The following PCDHGA1 variants were observed in gnomAD, a reference collection of about 807,000 sequenced individuals.
PCDHGA1 encodes the protein protocadherin gamma subfamily A, 1, also known as protocadherin gamma-A1.
Under a neutral mutation model 58.0 loss-of-function variants are expected in PCDHGA1, and 32 were observed. That is an observed-to-expected ratio of 0.55 (90% CI 0.42 to 0.74). The LOEUF is 0.74. Ranked by LOEUF, PCDHGA1 falls within the 30% of genes least tolerant of loss-of-function variation. The probability of loss-of-function intolerance (pLI) is 0.00; values close to 1 mark genes in which losing one functional copy is unlikely to be tolerated. For synonymous variants in PCDHGA1, 498 were observed against 501.1 expected (o/e 0.99, Z 0.08); for missense variants, 1,205 against 1,182.3 (o/e 1.02, Z -0.28).
Position 141,490,225 on chromosome 5 carries a change from G to A in PCDHGA1, c.2422-4582G>A, listed in dbSNP as rs2099697468. On this transcript the variant is annotated intron_variant, in intron 1 of 3. Coordinates refer to ENST00000517417, the MANE Select transcript of PCDHGA1 (RefSeq NM_018912.3). This position sits in a 1 kb window ranked among gnomAD's most constrained non-coding sequence, Gnocchi z 5.4. The stretch of plus-strand genomic sequence containing the variant: ...AAGAGCCCGTGACCAGGGACAGCCT[G>A]CCATGGAGGGCCACTGTGTGATTCA... The A allele has an allele frequency of 6.2e-7, 1 of 1,614,112 alleles. No homozygotes were observed. The highest frequency in any genetic ancestry group is 1.1e-5 in the South Asian group (1 of 91,090).
At chr5:141,506,444 CAAA>C (rs1219684339) in intron 3 of PCDHGA1, among the ~76,000 whole-genome samples, 12 of 95,004 alleles carry the variant, frequency 1.3e-4, no homozygotes, top group Admixed American at 3.3e-4. Context: ...CGCTCTGTCT[CAAA>C]AAAAAAAAAA....
At chr5:141,413,023 A>T in intron 1 of PCDHGA1, 1 of 729,646 alleles carries the variant, frequency 1.4e-6, no homozygotes, top group Non-Finnish European at 2.1e-6. Context: ...CACAAGCCCC[A>T]CAAACCGGCT....
In PCDHGA1 at chr5:141,402,356, T is replaced by C. The variant is rs183915738; in HGVS notation, c.2421+69251T>C. Among the ~76,000 whole-genome samples, 46 of 152,098 alleles carry C rather than the reference T, an allele frequency of 3.0e-4. 1 individual carries two copies. Among genetic ancestry groups the C allele is most frequent in the African/African-American group, 1.0e-3 (43 of 41,550 alleles). On this transcript the variant is annotated intron_variant, in intron 1 of 3. Coordinates refer to ENST00000517417, the MANE Select transcript of PCDHGA1 (RefSeq NM_018912.3). ...TATAGGTATAAAAATTAAAAATGAA[T>C]GTACTTCCAAACAAGATTGCACATA...
At chr5:141,472,980 C>CAAAAAAAAAAAAAAAAAAAAAA (rs60579131) in intron 1 of PCDHGA1, among the ~76,000 whole-genome samples, 6 of 86,102 alleles carry the variant, frequency 7.0e-5, no homozygotes, top group African/African-American at 1.2e-4. Flanking sequence ...GAGTGAAACT[C>CAAAAAAAAAAAAAAAAAAAAAA]AAAAAAAAAA....
rs1004061582 is a variant in PCDHGA1, at chr5:141,477,406, A to C, written c.2422-17401A>C. ...AATACAACCTCAGCATCACCGCCCG[A>C]GACGCCGGAACCCCTTCCCTCTCAG... On this transcript the variant is annotated intron_variant, in intron 1 of 3. Transcript: ENST00000517417. The surrounding 1 kb of genome is among the most constrained non-coding windows in gnomAD (Gnocchi z 4.9). 6.2e-7 allele frequency: 1 copy of C among 1,614,036 alleles called. No homozygotes were observed. Among genetic ancestry groups the C allele is most frequent in the Admixed American group, 1.7e-5 (1 of 59,994 alleles).
intron 1 of PCDHGA1, among the ~76,000 whole-genome samples, chr5:141,450,832 T>TTATTA (rs764784095): frequency 5.6e-5 from 8 of 142,316 alleles, no homozygotes; most frequent in African/African-American, 2.2e-4. Context: ...TATTATTATT[T>TTATTA]TTTTTTTTTT....
chr5:141,350,552 G>C, intron 1 of PCDHGA1: 1 of 1,614,066 alleles, frequency 6.2e-7, no homozygotes, highest in Non-Finnish European at 8.5e-7. Context: ...AAGGAAACTT[G>C]AGTGTGCACT....
At position 141,372,451 on chromosome 5, in the gene PCDHGA1, C is replaced by G. The variant is rs749000608; in HGVS notation, c.2421+39346C>G. 8 of 1,614,042 alleles carry G rather than the reference C, an allele frequency of 5.0e-6. No individual in the cohort carries two copies. In the East Asian group the frequency reaches 1.6e-4, roughly 31 times the overall value. On this transcript the variant is annotated intron_variant, in intron 1 of 3. Coordinates refer to ENST00000517417, the MANE Select transcript of PCDHGA1 (RefSeq NM_018912.3). The stretch of plus-strand genomic sequence containing the variant: ...CGCCCCACTCCCTCTGACCCTCAGG[C>G]GGAGCTACAGTTTCACCTAGTAGTG...
At chr5:141,410,625 G>A (rs202058499) in intron 1 of PCDHGA1, 1 of 1,602,442 alleles carries the variant, frequency 6.2e-7, no homozygotes, top group Non-Finnish European at 8.5e-7. Flanking sequence ...ACTTCGGTGA[G>A]TTTCTCTTTT....
Position 141,487,243 on chromosome 5 carries a change from C to T in PCDHGA1, c.2422-7564C>T. 1 of 1,614,114 alleles carries T rather than the reference C, an allele frequency of 6.2e-7. No individual in the cohort carries two copies. The highest frequency in any genetic ancestry group is 8.5e-7 in the Non-Finnish European group (1 of 1,180,000). Reference sequence around the variant, plus strand: ...CAAGGGAAGGAGAATCTCGTCTAACCCTCTACTTGGCTGTGTCCCTAGTGG... The same window carrying T: ...CAAGGGAAGGAGAATCTCGTCTAACTCTCTACTTGGCTGTGTCCCTAGTGG... On this transcript the variant is annotated intron_variant, in intron 1 of 3. Coordinates refer to ENST00000517417, the MANE Select transcript of PCDHGA1 (RefSeq NM_018912.3). The surrounding 1 kb of genome is among the most constrained non-coding windows in gnomAD (Gnocchi z 5.0).
rs747994258 is a variant in PCDHGA1 at position 141,365,910 on chromosome 5, A to G, written c.2421+32805A>G. ...TCCTTCGACTATGAGCAGTTGAGAGACCTACAGTTGTGGGTGACAGCCAGC... is the reference window on the plus strand; with the variant it reads ...TCCTTCGACTATGAGCAGTTGAGAGGCCTACAGTTGTGGGTGACAGCCAGC... On this transcript the variant is annotated intron_variant, in intron 1 of 3. Transcript: ENST00000517417. The G allele has an allele frequency of 5.0e-6, 8 of 1,614,146 alleles. No homozygotes were observed. In the South Asian group the frequency reaches 8.8e-5, roughly 18 times the overall value.
chr5:141,371,128 A>G (rs1767509392), intron 1 of PCDHGA1: 1 of 1,614,008 alleles, frequency 6.2e-7, no homozygotes, highest in Non-Finnish European at 8.5e-7. Context: ...TTTACTCAGG[A>G]CATGTACAGG....
In PCDHGA1 at chr5:141,449,878, A is replaced by G. The variant is rs536474516; in HGVS notation, c.2422-44929A>G. On this transcript the variant is annotated intron_variant, in intron 1 of 3. Transcript: ENST00000517417. ...ATAAAAATCAGAAAATTTAACATCA[A>G]TGCAATATAATTATTTAGCCTATAG... 6.6e-4 allele frequency among the ~76,000 whole-genome samples: 100 copies of G among 152,050 alleles called. 1 individual carries two copies. The highest frequency in any genetic ancestry group is 2.4e-3 in the African/African-American group (99 of 41,574).
intron 1 of PCDHGA1, among the ~76,000 whole-genome samples, chr5:141,406,372 T>C (rs1010742441): frequency 1.3e-5 from 2 of 152,204 alleles, no homozygotes; most frequent in African/African-American, 4.8e-5. Flanking sequence ...AAGGGTAAAC[T>C]GATAAAAAGG....
intron 1 of PCDHGA1, chr5:141,341,320 G>A (rs1029033510): frequency 6.2e-7 from 1 of 1,614,246 alleles, no homozygotes. Flanking sequence ...TCAGCCAGGA[G>A]AGCTGTGAGA....
Position 141,489,351 on chromosome 5 carries a change from G to A in PCDHGA1, c.2422-5456G>A, listed in dbSNP as rs2099685862. ...GGCAGCTTCGTTACTCAGTGGTGGAGGAGTCTGAGCCGGGGACGCTGGTGG... is the reference window on the plus strand; with the variant it reads ...GGCAGCTTCGTTACTCAGTGGTGGAAGAGTCTGAGCCGGGGACGCTGGTGG... On this transcript the variant is annotated intron_variant, in intron 1 of 3. Transcript: ENST00000517417. This position sits in a 1 kb window ranked among gnomAD's most constrained non-coding sequence, Gnocchi z 4.5. The A allele has an allele frequency of 6.2e-7, 1 of 1,612,202 alleles. No individual in the cohort carries two copies. The highest frequency in any genetic ancestry group is 1.3e-5 in the African/African-American group (1 of 75,006).
At chr5:141,389,571 C>T (rs2091830159) in intron 1 of PCDHGA1, 2 of 1,613,136 alleles carry the variant, frequency 1.2e-6, no homozygotes, top group East Asian at 2.2e-5. Context: ...GGTGCTGTAC[C>T]CCGCGCTGGG....
intron 1 of PCDHGA1, among the ~76,000 whole-genome samples, chr5:141,464,251 C>T (rs1438610569): frequency 1.4e-5 from 2 of 141,396 alleles, no homozygotes; most frequent in Admixed American, 7.5e-5. Flanking sequence ...GGCTACAGAG[C>T]GAGACTCCGT....
chr5:141,392,911 A>G (rs1416480997), intron 1 of PCDHGA1: 1 of 1,613,712 alleles, frequency 6.2e-7, no homozygotes, highest in African/African-American at 1.3e-5. Context: ...CAGATTCGCT[A>G]CTCTGTGCCA....
Sources: allele counts gnomAD v4.1 joint callset (sites outside exome capture counted in the v4.1 genomes callset), GRCh38; gene constraint gnomAD v4.1.1; non-coding constraint Gnocchi (gnomAD v3.1); transcripts MANE v1.5; gene names NCBI Gene and HGNC (gene_info 2026-07-23, HGNC 2026-07-21).